Variants in PGM5 observed in about 807,000 individuals in gnomAD.
The protein encoded by PGM5 is phosphoglucomutase 5, also known as phosphoglucomutase-like protein 5.
In PGM5, 23 loss-of-function variants were observed where a neutral mutation model predicts 59.2. The ratio of observed to expected loss-of-function variants is 0.39; its 90% CI spans 0.28 to 0.55. The LOEUF (loss-of-function observed/expected upper bound fraction) is 0.55, where lower values mean the gene tolerates loss of function less well. Among genes scored for constraint, PGM5 ranks in the 20% least tolerant of loss-of-function variants. PGM5 has a pLI of 0.66. For synonymous variants in PGM5, 214 were observed against 286.0 expected (o/e 0.75, Z 2.54); for missense variants, 574 against 748.3 (o/e 0.77, Z 2.72).
At chr9:68,428,285 G>A (rs1250361310) in intron 6 of PGM5, among the ~76,000 whole-genome samples, 2 of 152,156 alleles carry the variant, frequency 1.3e-5, no homozygotes, top group African/African-American at 4.8e-5. Flanking sequence ...TTAATGATTT[G>A]CGAGTTTCAA....
chr9:68,412,879 G>A (rs1381692672), intron 6 of PGM5, among the ~76,000 whole-genome samples: 8 of 152,202 alleles, frequency 5.3e-5, no homozygotes, highest in Non-Finnish European at 1.0e-4. Context: ...AAATCCAGTT[G>A]CATGGAGGTC....
At chr9:68,405,006 C>T (rs1284442793) in intron 6 of PGM5, 4 of 152,240 alleles carry the variant, frequency 2.6e-5, no homozygotes, top group African/African-American at 9.6e-5. Flanking sequence ...ACTCTTATCC[C>T]TAGGCTCTGA....
intron 9 of PGM5, among the ~76,000 whole-genome samples, chr9:68,489,288 A>G (rs1398751154): frequency 1.3e-5 from 2 of 152,112 alleles, no homozygotes; most frequent in East Asian, 1.9e-4. Context: ...GAGAGACAGC[A>G]TATTTCCACT....
intron 6 of PGM5, among the ~76,000 whole-genome samples, chr9:68,449,516 T>C (rs1554684211): frequency 6.6e-6 from 1 of 152,190 alleles, no homozygotes; most frequent in African/African-American, 2.4e-5. Flanking sequence ...GGGGACCCCA[T>C]GGTCAGAGAG....
intron 6 of PGM5, among the ~76,000 whole-genome samples, chr9:68,425,033 G>C (rs951635231): frequency 1.3e-5 from 2 of 152,156 alleles, no homozygotes; most frequent in African/African-American, 2.4e-5. Flanking sequence ...GTTATTCATT[G>C]TTTTAAAAGT....
Position 68,437,904 on chromosome 9 carries a change from CCATAATT to C in PGM5, c.1044-27187_1044-27181del, listed in dbSNP as rs1445634298. Reference sequence around the variant, plus strand: ...CAGGCTGTCTAGTTCATCATTGTCCCCATAATTCTCTGTTGTCACATATCCAGCTGGC... The same window carrying C: ...CAGGCTGTCTAGTTCATCATTGTCCCCTCTGTTGTCACATATCCAGCTGGC... On this transcript the variant is annotated intron_variant, in intron 6 of 10. Transcript: ENST00000396396. The surrounding 1 kb of genome is among the most constrained non-coding windows in gnomAD (Gnocchi z 4.1). Among the ~76,000 whole-genome samples, 1 of 152,074 alleles carries C rather than the reference CCATAATT, an allele frequency of 6.6e-6. No individual in the cohort carries two copies. Among genetic ancestry groups the C allele is most frequent in the Non-Finnish European group, 1.5e-5 (1 of 68,012 alleles).
At chr9:68,506,534 A>G (rs1177618115) in intron 10 of PGM5, among the ~76,000 whole-genome samples, 7 of 152,220 alleles carry the variant, frequency 4.6e-5, no homozygotes, top group African/African-American at 1.7e-4. Flanking sequence ...TAGCGTCTTA[A>G]AAACAACCAG....
chr9:68,367,279 C>T (rs1443242467), intron 1 of PGM5, among the ~76,000 whole-genome samples: 2 of 151,472 alleles, frequency 1.3e-5, no homozygotes, highest in African/African-American at 4.8e-5. Flanking sequence ...TTCTGAGGCT[C>T]AGGCTGTGTT....
chr9:68,447,319 T>A (rs1338234381), intron 6 of PGM5, among the ~76,000 whole-genome samples: 5 of 152,216 alleles, frequency 3.3e-5, no homozygotes, highest in Admixed American at 1.3e-4. Context: ...TGTTGTGAAT[T>A]ATAATGATGG....
At chr9:68,423,712 G>A (rs1487980161) in intron 6 of PGM5, among the ~76,000 whole-genome samples, 2 of 150,378 alleles carry the variant, frequency 1.3e-5, no homozygotes, top group Non-Finnish European at 1.5e-5. Context: ...TCTTTTGGGG[G>A]CTGAGGCCCT....
chr9:68,404,544 A>C (rs1554680941), intron 6 of PGM5, among the ~76,000 whole-genome samples: 2 of 152,194 alleles, frequency 1.3e-5, no homozygotes, highest in African/African-American at 4.8e-5. Context: ...GAGATGCCCG[A>C]GCCTAGGAAA....
chr9:68,425,525 A>G (rs1215031248), intron 6 of PGM5, among the ~76,000 whole-genome samples: 1 of 152,158 alleles, frequency 6.6e-6, no homozygotes, highest in African/African-American at 2.4e-5. Flanking sequence ...CATAATGGAG[A>G]AAAAAACCCA....
At chr9:68,390,574 T>C (rs1277175322) in intron 4 of PGM5, among the ~76,000 whole-genome samples, 2 of 152,114 alleles carry the variant, frequency 1.3e-5, no homozygotes, top group Non-Finnish European at 2.9e-5. Context: ...ATGTTCACTA[T>C]TGGAGGATTG....
rs2777162 is a variant in PGM5 at position 68,360,832 on chromosome 9, G to A, written c.261+3444G>A. ...TAAGAACATTTTCCTGTATAGTTAC[G>A]AAATCATCTTTTCAAACAAAATAAA... On this transcript the variant is annotated intron_variant, in intron 1 of 10. Coordinates refer to ENST00000396396, the MANE Select transcript of PGM5 (RefSeq NM_021965.4). Among the ~76,000 whole-genome samples the A allele has an allele frequency of 3.1e-3, 470 of 151,908 alleles. 5 individuals carry two copies. The highest frequency in any genetic ancestry group is 0.011 in the African/African-American group (447 of 41,260).
intron 6 of PGM5, among the ~76,000 whole-genome samples, chr9:68,440,988 T>C (rs1554683658): frequency 6.6e-6 from 1 of 151,994 alleles, no homozygotes; most frequent in East Asian, 1.9e-4. Flanking sequence ...CTGTAGACCC[T>C]TTAGACTTTA....
intron 1 of PGM5, chr9:68,357,708 C>T (rs1423710116): frequency 5.0e-6 from 2 of 400,152 alleles, no homozygotes; most frequent in Non-Finnish European, 9.1e-6. Context: ...ATTTTTCTTT[C>T]GGACATTCTC....
chr9:68,446,803 G>T (rs1413139840), intron 6 of PGM5, among the ~76,000 whole-genome samples: 1 of 152,182 alleles, frequency 6.6e-6, no homozygotes, highest in Admixed American at 6.5e-5. Context: ...TGTGTGTTCT[G>T]TTCCACTTGG....
Position 68,507,739 on chromosome 9 carries a change from G to A in PGM5, c.1614+8378G>A, listed in dbSNP as rs1371653230. On this transcript the variant is annotated intron_variant, in intron 10 of 10. Coordinates refer to ENST00000396396, the MANE Select transcript of PGM5 (RefSeq NM_021965.4). The stretch of plus-strand genomic sequence containing the variant: ...CTTGGAAAGATGCAAAGATGTATAG[G>A]TTTTTTTCTATTTCTGCTTAGATGA... Among the ~76,000 whole-genome samples, 3 of 152,060 alleles carry A rather than the reference G, an allele frequency of 2.0e-5. No individual in the cohort carries two copies. The South Asian group carries it at 6.2e-4, about 32-fold the overall frequency.
intron 7 of PGM5, among the ~76,000 whole-genome samples, chr9:68,468,436 T>A (rs1227116830): frequency 6.6e-6 from 1 of 152,240 alleles, no homozygotes; most frequent in Non-Finnish European, 1.5e-5. Context: ...ATTTATTAAG[T>A]GTTTACAATA....
Sources: allele counts gnomAD v4.1 joint callset (sites outside exome capture counted in the v4.1 genomes callset), GRCh38; gene constraint gnomAD v4.1.1; non-coding constraint Gnocchi (gnomAD v3.1); transcripts MANE v1.5; gene names NCBI Gene and HGNC (gene_info 2026-07-23, HGNC 2026-07-21).